Variants in CFAP251 observed in about 807,000 individuals in gnomAD.
CFAP251 encodes cilia and flagella associated protein 251.
A neutral mutation model predicts 126.7 loss-of-function variants in CFAP251; 93 were observed. The observed-to-expected ratio is 0.73, with a 90% CI of 0.62 to 0.87. The LOEUF is 0.87. Among genes scored for constraint, CFAP251 ranks in the 40% least tolerant of loss-of-function variants. CFAP251 has a pLI of 0.00. For synonymous variants in CFAP251, 503 were observed against 506.9 expected, an observed-to-expected ratio of 0.99 and a Z score of 0.10; for missense variants, 1,287 against 1,389.2, an observed-to-expected ratio of 0.93 and a Z score of 1.17.
At chr12:121,971,388 A>G (rs1289889659) in intron 17 of CFAP251, among the ~76,000 whole-genome samples, 1 of 152,234 alleles carries the variant, frequency 6.6e-6, no homozygotes, top group African/African-American at 2.4e-5. Context: ...TGCATGCCTC[A>G]GTGAGAGGAC....
At chr12:122,002,898 C>T (rs968336952) in intron 21 of CFAP251, among the ~76,000 whole-genome samples, 5 of 152,112 alleles carry the variant, frequency 3.3e-5, no homozygotes, top group African/African-American at 1.2e-4. Flanking sequence ...ATTGTCCATT[C>T]CCCACATCAA....
intron 19 of CFAP251, among the ~76,000 whole-genome samples, chr12:121,993,030 C>G (rs970402719): frequency 1.4e-5 from 2 of 142,584 alleles, no homozygotes; most frequent in African/African-American, 5.3e-5. Flanking sequence ...CATGCGGAGC[C>G]GAAGCTGGAC....
chr12:121,927,733 T>C (rs1255415741), intron 3 of CFAP251, among the ~76,000 whole-genome samples: 1 of 152,208 alleles, frequency 6.6e-6, no homozygotes, highest in Non-Finnish European at 1.5e-5. Context: ...TCCTTTTCCT[T>C]TGGGGTCCTC....
intron 1 of CFAP251, among the ~76,000 whole-genome samples, chr12:121,920,830 C>A (rs547978485): frequency 6.6e-6 from 1 of 150,378 alleles, no homozygotes; most frequent in African/African-American, 2.4e-5. Flanking sequence ...CTGTGCCTGG[C>A]CAGAAATATG....
At chr12:121,923,210 A>C (rs1399156725) in intron 2 of CFAP251, among the ~76,000 whole-genome samples, 1 of 146,282 alleles carries the variant, frequency 6.8e-6, no homozygotes, top group Non-Finnish European at 1.5e-5. Flanking sequence ...CCTAGGCTGG[A>C]GTACAGTGAC....
At chr12:121,962,429 C>T (rs1018303164) in intron 15 of CFAP251, among the ~76,000 whole-genome samples, 3 of 152,178 alleles carry the variant, frequency 2.0e-5, no homozygotes, top group African/African-American at 7.2e-5. Flanking sequence ...TCCTATTCTC[C>T]TCTCATTAAG....
intron 19 of CFAP251, among the ~76,000 whole-genome samples, chr12:121,976,082 C>T (rs1011965116): frequency 6.6e-6 from 1 of 150,996 alleles, no homozygotes; most frequent in Non-Finnish European, 1.5e-5. Flanking sequence ...AATTTTGGCT[C>T]ACTGCAACCT....
chr12:121,957,421 A>G (rs1280091400), intron 11 of CFAP251, among the ~76,000 whole-genome samples, 153 bp downstream of exon 11: 1 of 152,048 alleles, frequency 6.6e-6, no homozygotes, highest in African/African-American at 2.4e-5. Context: ...AATGAAACAT[A>G]AGGCCGGGCG....
intron 5 of CFAP251, among the ~76,000 whole-genome samples, chr12:121,940,544 A>T (rs144864606): frequency 6.6e-6 from 1 of 152,212 alleles, no homozygotes; most frequent in East Asian, 1.9e-4. Flanking sequence ...AAACAAACAA[A>T]CAAACAAAAA....
chr12:121,998,000 C>T (rs1248857452), intron 19 of CFAP251: 1 of 152,088 alleles, frequency 6.6e-6, no homozygotes, highest in Non-Finnish European at 1.5e-5. Context: ...ATCTACCCAC[C>T]TTGGCCTCCC....
rs114326652 is a variant in CFAP251 at position 121,965,402 on chromosome 12, A to G, written c.2493-1553A>G. Among the ~76,000 whole-genome samples the G allele has an allele frequency of 4.5e-3, 690 of 152,342 alleles. 7 individuals are homozygous for G. Among genetic ancestry groups the G allele is most frequent in the African/African-American group, 0.016 (651 of 41,578 alleles). On this transcript the variant is annotated intron_variant, in intron 15 of 21. Coordinates refer to ENST00000288912, the MANE Select transcript of CFAP251 (RefSeq NM_144668.6). ...TTGTCACCCTCTATTAAATTTTATCATATCTTCTGACTTCTAGGAATGTAG... is the reference window on the plus strand; with the variant it reads ...TTGTCACCCTCTATTAAATTTTATCGTATCTTCTGACTTCTAGGAATGTAG...
At chr12:121,966,118 A>G (rs7314352) in intron 15 of CFAP251, among the ~76,000 whole-genome samples, 8,571 of 138,036 alleles carry the variant, frequency 0.062, 290 homozygotes, top group African/African-American at 0.096. Context: ...CTATGTTGAG[A>G]TTTATGGAAT....
chr12:121,951,415 T>C (rs924272943), intron 8 of CFAP251, 65 bp from the exon 9 acceptor site: 20 of 1,151,202 alleles, frequency 1.7e-5, no homozygotes, highest in Non-Finnish European at 3.7e-6. Flanking sequence ...GCTTTTATTA[T>C]TAATGCCGTT....
Position 121,968,098 on chromosome 12 carries a change from C to A in CFAP251, c.2700C>A (p.Ser900=), listed in dbSNP as rs1453159704. The A allele has an allele frequency of 6.2e-7, 1 of 1,613,800 alleles. No individual in the cohort carries two copies. Among genetic ancestry groups the A allele is most frequent in the Non-Finnish European group, 8.5e-7 (1 of 1,179,742 alleles). Reference sequence around the variant, plus strand: ...ACGGGGTGGCCGGCATGGCCGTTTCCTATGATGGCTGCTACGCCTTCACTG... The same window carrying A: ...ACGGGGTGGCCGGCATGGCCGTTTCATATGATGGCTGCTACGCCTTCACTG... ...HPNGVAGMAV[S]YDGCYAFTAG... Residue 900 remains serine, a synonymous_variant, in exon 17 of 22, where the codon TCC becomes TCA. Coordinates refer to ENST00000288912, the MANE Select transcript of CFAP251 (RefSeq NM_144668.6).
rs146089350 is a variant in CFAP251, at chr12:121,918,904, C to T, written c.-21+209C>T. Among the ~76,000 whole-genome samples, 1 of 152,136 alleles carries T rather than the reference C, an allele frequency of 6.6e-6. No individual in the cohort carries two copies. Among genetic ancestry groups the T allele is most frequent in the Non-Finnish European group, 1.5e-5 (1 of 68,008 alleles). ...GAGCCACGCACCTGGCACCCCTGCCCCAAACCCCTGCGGCTCGAACCCGGC... is the reference window on the plus strand; with the variant it reads ...GAGCCACGCACCTGGCACCCCTGCCTCAAACCCCTGCGGCTCGAACCCGGC... On this transcript the variant is annotated intron_variant, in intron 1 of 21. Coordinates refer to ENST00000288912, the MANE Select transcript of CFAP251 (RefSeq NM_144668.6). This position sits in a 1 kb window ranked among gnomAD's most constrained non-coding sequence, Gnocchi z 4.3.
At chr12:121,968,764 G>A (rs1882236463) in intron 17 of CFAP251, 1 of 356,870 alleles carries the variant, frequency 2.8e-6, no homozygotes, top group African/African-American at 2.2e-5. Flanking sequence ...AAATGGGGGT[G>A]ATAATAGGAA....
At chr12:121,931,583 G>C (rs981792245) in intron 3 of CFAP251, among the ~76,000 whole-genome samples, 163 bp from the exon 4 acceptor site, 2 of 152,220 alleles carry the variant, frequency 1.3e-5, no homozygotes, top group African/African-American at 4.8e-5. Context: ...AAAGTGCTGG[G>C]ATTACAGGCA....
chr12:121,934,103 G>A (rs143767821), intron 4 of CFAP251, 144 bp from the exon 5 acceptor site: 7,976 of 600,432 alleles, frequency 0.013, 76 homozygotes, highest in Admixed American at 0.019. Flanking sequence ...AAACACCCAG[G>A]AAGGCCAGCG....
At chr12:121,963,918 G>T (rs1044147018) in intron 15 of CFAP251, among the ~76,000 whole-genome samples, 1 of 151,748 alleles carries the variant, frequency 6.6e-6, no homozygotes, top group African/African-American at 2.4e-5. Context: ...TTCTGCCTTT[G>T]GTTTGGCTGT....
Sources: allele counts gnomAD v4.1 joint callset (sites outside exome capture counted in the v4.1 genomes callset), GRCh38; gene constraint gnomAD v4.1.1; non-coding constraint Gnocchi (gnomAD v3.1); transcripts MANE v1.5; gene names NCBI Gene and HGNC (gene_info 2026-07-23, HGNC 2026-07-21).